ITPA: variants seen among roughly 807,000 people sequenced by gnomAD.
ITPA encodes the protein inosine triphosphate pyrophosphatase.
A neutral mutation model predicts 29.6 loss-of-function variants in ITPA; 29 were observed. The observed-to-expected ratio is 0.98, with a 90% confidence interval of 0.73 to 1.34. ITPA has a LOEUF of 1.34. Among genes scored for constraint, ITPA ranks in the 40% most tolerant of loss-of-function variants. The pLI is 0.00. For synonymous variants in ITPA, 103 were observed against 99.3 expected (o/e 1.04, Z -0.22); for missense variants, 241 against 251.5 (o/e 0.96, Z 0.28).
At chr20:3,219,439 T>C (rs1040201978) in intron 6 of ITPA, among the ~76,000 whole-genome samples, 1 of 151,980 alleles carries the variant, frequency 6.6e-6, no homozygotes, top group African/African-American at 2.4e-5. Flanking sequence ...CAAGACCCCA[T>C]CTTTGCAAAA....
chr20:3,221,753 A>G (rs1262073024), intron 6 of ITPA, 88 bp from the exon 7 acceptor site: 7 of 1,229,828 alleles, frequency 5.7e-6, no homozygotes, highest in Non-Finnish European at 8.4e-6. Flanking sequence ...TCAAATTCAC[A>G]GACTCACCAA....
rs1379734513 is a variant in ITPA at position 3,214,029 on chromosome 20, T to A, written c.234T>A (p.Asn78Lys). 3.1e-6 allele frequency: 5 copies of A among 1,614,212 alleles called. No individual in the cohort carries two copies. The highest frequency in any genetic ancestry group is 3.4e-6 in the Non-Finnish European group (4 of 1,180,044). ...VLVEDTCLCF[N>K]ALGGLPGPYI... ...TTGAGGACACTTGTCTGTGCTTCAATGCCCTTGGAGGGCTCCCCGGCCCCT... is the reference window on the plus strand; with the variant it reads ...TTGAGGACACTTGTCTGTGCTTCAAAGCCCTTGGAGGGCTCCCCGGCCCCT... The change falls in exon 4 of 8, where the codon AAT becomes AAA. Residue 78 changes from asparagine to lysine, a missense_variant. By Grantham distance (94) the Asn-to-Lys change is moderately conservative. Transcript: ENST00000380113.
upstream of ITPA, chr20:3,209,358 C>T: frequency 1.5e-6 from 1 of 671,394 alleles, no homozygotes; most frequent in South Asian, 1.6e-5. This position sits in a 1 kb window ranked among gnomAD's most constrained non-coding sequence, Gnocchi z 4.6. Flanking sequence ...GGGAGGCCCC[C>T]AGCAAATCGG....
At chr20:3,217,652 A>G (rs2067338005) in intron 5 of ITPA, among the ~76,000 whole-genome samples, 1 of 151,926 alleles carries the variant, frequency 6.6e-6, no homozygotes, top group South Asian at 2.1e-4. Context: ...TGTTTTTTGT[A>G]GAGGTGAGGT....
At chr20:3,219,135 G>A (rs1248698732) in intron 6 of ITPA, 1 of 157,664 alleles carries the variant, frequency 6.3e-6, no homozygotes, top group Admixed American at 6.1e-5. Context: ...AACTGCCAAG[G>A]TGCTTGACTA....
intron 5 of ITPA, among the ~76,000 whole-genome samples, chr20:3,217,688 C>A (rs1441586732): frequency 6.6e-6 from 1 of 152,078 alleles, no homozygotes; most frequent in Non-Finnish European, 1.5e-5. Flanking sequence ...GGGCTGATAT[C>A]AAACTCCTGA....
intron 6 of ITPA, 57 bp downstream of exon 6, chr20:3,218,689 C>T (rs928051746): frequency 1.0e-5 from 14 of 1,333,434 alleles, no homozygotes; most frequent in African/African-American, 2.9e-5. Flanking sequence ...TGCCGCGACC[C>T]GAGCCGACCG....
chr20:3,214,704 C>T (rs915608327), intron 4 of ITPA, among the ~76,000 whole-genome samples: 1 of 151,952 alleles, frequency 6.6e-6, no homozygotes, highest in Non-Finnish European at 1.5e-5. Flanking sequence ...CTCAGCCTCC[C>T]GAGTAGCTGG....
At chr20:3,213,787 G>A (rs1167098729) in intron 3 of ITPA, among the ~76,000 whole-genome samples, 198 bp from the exon 4 acceptor site, 1 of 152,160 alleles carries the variant, frequency 6.6e-6, no homozygotes, top group Non-Finnish European at 1.5e-5. Flanking sequence ...TTTAACAATC[G>A]GCCAAAGCTT....
chr20:3,205,140 G>A (rs1233122142), upstream of ITPA, among the ~76,000 whole-genome samples: 1 of 151,976 alleles, frequency 6.6e-6, no homozygotes, highest in African/African-American at 2.4e-5. Flanking sequence ...GTGAGCCACC[G>A]CGCCCGGACT....
At chr20:3,218,676 G>A (rs1346596238) in intron 6 of ITPA, 44 bp downstream of exon 6, 2 of 1,508,130 alleles carry the variant, frequency 1.3e-6, no homozygotes, top group Non-Finnish European at 1.8e-6. Context: ...CGCCGCCAGG[G>A]GGTGCCGCGA....
chr20:3,225,979 AGATCACGCCC>A (rs1209223204), downstream of ITPA, among the ~76,000 whole-genome samples: 1 of 152,256 alleles, frequency 6.6e-6, no homozygotes, highest in Non-Finnish European at 1.5e-5. Flanking sequence ...CAGTGAGCCG[AGATCACGCCC>A]TTGCACACTG....
chr20:3,213,567 T>C, intron 3 of ITPA, 184 bp downstream of exon 3: 1 of 708,114 alleles, frequency 1.4e-6, no homozygotes, highest in Non-Finnish European at 2.5e-6. Context: ...CTTGAATACA[T>C]GGTATCTCCC....
At chr20:3,209,344 G>C (rs191863069), upstream of ITPA, 2 of 650,938 alleles carry the variant, frequency 3.1e-6, no homozygotes, top group Admixed American at 2.2e-5. The surrounding 1 kb of genome is among the most constrained non-coding windows in gnomAD (Gnocchi z 4.6). Flanking sequence ...CAGTCTCCAG[G>C]CTCGGGAGGC....
intron 1 of ITPA, among the ~76,000 whole-genome samples, chr20:3,212,108 C>T (rs890314837): frequency 6.6e-6 from 1 of 151,854 alleles, no homozygotes; most frequent in South Asian, 2.1e-4. Context: ...GAGGTTGAGG[C>T]TCTAGTGAGC....
upstream of ITPA, among the ~76,000 whole-genome samples, chr20:3,206,161 G>A (rs1210643138): frequency 1.3e-5 from 2 of 151,946 alleles, no homozygotes; most frequent in Non-Finnish European, 2.9e-5. Flanking sequence ...GGCTGAGGTG[G>A]GTGGATCACC....
chr20:3,210,043 C>T (rs1440317351), intron 1 of ITPA, among the ~76,000 whole-genome samples: 1 of 152,178 alleles, frequency 6.6e-6, no homozygotes, highest in Non-Finnish European at 1.5e-5. Flanking sequence ...CCACACTGAG[C>T]AGTCCGTGCC....
intron 7 of ITPA, among the ~76,000 whole-genome samples, chr20:3,222,317 G>A (rs1195534633): frequency 6.6e-6 from 1 of 151,522 alleles, no homozygotes; most frequent in Non-Finnish European, 1.5e-5. Flanking sequence ...CTGCCTCCCA[G>A]GTTCAAGCAA....
At position 3,213,394 on chromosome 20, in the gene ITPA, T is replaced by G. The variant is rs369860957; in HGVS notation, c.189+11T>G. ...GAGGCAGTTCGCCAGGTGCTTGCCC[T>G]GCCCTTGTCCCACACTTGCTCTTCT... On this transcript the variant is annotated intron_variant, in intron 3 of 7. Coordinates refer to ENST00000380113, the MANE Select transcript of ITPA (RefSeq NM_033453.4). 3.1e-6 allele frequency: 5 copies of G among 1,613,528 alleles called. No homozygotes were observed. The highest frequency in any genetic ancestry group is 4.2e-6 in the Non-Finnish European group (5 of 1,180,026).
Sources: gnomAD v4.1 joint callset for allele counts (sites outside exome capture counted in the v4.1 genomes callset) on GRCh38, gnomAD v4.1.1 for gene constraint, Gnocchi (gnomAD v3.1) non-coding constraint, MANE v1.5 for transcripts, NCBI Gene and HGNC (gene_info 2026-07-23, HGNC 2026-07-21) for gene names.